Variants in MACROD2 observed in about 807,000 individuals in gnomAD.
MACROD2 encodes mono-ADP ribosylhydrolase 2.
In MACROD2, 36 loss-of-function variants were observed where a neutral mutation model predicts 70.4. That is an observed-to-expected ratio of 0.51 (90% CI 0.39 to 0.68). The LOEUF (loss-of-function observed/expected upper bound fraction) is 0.68, where lower values mean the gene tolerates loss of function less well. Ranked by LOEUF, MACROD2 falls within the 30% of genes least tolerant of loss-of-function variation. MACROD2 has a pLI of 0.00. For missense variants in MACROD2, 496 were observed against 538.4 expected (o/e 0.92, Z 0.78); for synonymous variants, 172 against 178.8 (o/e 0.96, Z 0.30).
intron 6 of MACROD2, among the ~76,000 whole-genome samples, chr20:15,376,278 T>C (rs1014340641): frequency 1.3e-5 from 2 of 152,140 alleles, no homozygotes; most frequent in African/African-American, 2.4e-5. Context: ...CCTAGAAAAG[T>C]ATATAAATAT....
intron 8 of MACROD2, among the ~76,000 whole-genome samples, chr20:15,515,275 A>G (rs1025232205): frequency 6.6e-6 from 1 of 152,248 alleles, no homozygotes; most frequent in Non-Finnish European, 1.5e-5. Flanking sequence ...CCATTAGTTC[A>G]TTAGTCAAAC....
At chr20:14,958,961 CCCA>C (rs1306259003) in intron 5 of MACROD2, among the ~76,000 whole-genome samples, 2 of 152,212 alleles carry the variant, frequency 1.3e-5, no homozygotes, top group East Asian at 3.9e-4. Flanking sequence ...CATTTCAAGC[CCCA>C]CCAAACTGAG....
At chr20:15,561,292 A>G (rs1360532538) in intron 8 of MACROD2, among the ~76,000 whole-genome samples, 1 of 152,244 alleles carries the variant, frequency 6.6e-6, no homozygotes, top group Admixed American at 6.5e-5. Flanking sequence ...TTCCAGCAGC[A>G]TATGCAAAGT....
intron 5 of MACROD2, among the ~76,000 whole-genome samples, chr20:14,882,257 A>G (rs1321078455): frequency 6.6e-6 from 1 of 152,194 alleles, no homozygotes; most frequent in Non-Finnish European, 1.5e-5. Flanking sequence ...AAAGACATGA[A>G]TGAATGATGC....
intron 12 of MACROD2, among the ~76,000 whole-genome samples, chr20:15,942,126 T>A (rs1328492620): frequency 6.6e-6 from 1 of 152,182 alleles, no homozygotes; most frequent in Non-Finnish European, 1.5e-5. Context: ...CTAGACATAT[T>A]TTCCACTGGG....
At chr20:14,334,806 T>TA (rs780655683) in intron 3 of MACROD2, among the ~76,000 whole-genome samples, 1 of 147,692 alleles carries the variant, frequency 6.8e-6, no homozygotes, top group African/African-American at 2.5e-5. Context: ...TTTTTTTTTT[T>TA]AAATAAATGG....
chr20:14,522,228 C>G (rs2085176757), intron 4 of MACROD2, among the ~76,000 whole-genome samples: 1 of 152,184 alleles, frequency 6.6e-6, no homozygotes, highest in South Asian at 2.1e-4. Context: ...GATGGCCATA[C>G]ATAACACAGA....
chr20:14,604,718 G>A (rs1013560287), intron 4 of MACROD2, among the ~76,000 whole-genome samples: 1 of 152,170 alleles, frequency 6.6e-6, no homozygotes, highest in Non-Finnish European at 1.5e-5. Context: ...GTCTCCCAAA[G>A]TTTAAATTTT....
intron 3 of MACROD2, among the ~76,000 whole-genome samples, chr20:14,137,436 T>C (rs2054813756): frequency 6.6e-6 from 1 of 152,186 alleles, no homozygotes. Context: ...TCCTTTTGTT[T>C]CAGCTTGAAG....
chr20:15,931,747 C>T (rs893779873), intron 10 of MACROD2, among the ~76,000 whole-genome samples: 22 of 151,952 alleles, frequency 1.4e-4, no homozygotes, highest in Non-Finnish European at 2.2e-4. Flanking sequence ...CTGCATTCTT[C>T]GCCAACCTCA....
chr20:15,516,041 G>A (rs570570991), intron 8 of MACROD2, among the ~76,000 whole-genome samples: 7 of 152,284 alleles, frequency 4.6e-5, no homozygotes, highest in Admixed American at 2.0e-4. Context: ...GGCTTACCCC[G>A]TTTGCCTGCT....
At chr20:14,335,252 G>T (rs1419158276) in intron 3 of MACROD2, among the ~76,000 whole-genome samples, 1 of 152,152 alleles carries the variant, frequency 6.6e-6, no homozygotes, top group African/African-American at 2.4e-5. Context: ...TTAGGGTCTT[G>T]TGTCCCTAGG....
intron 5 of MACROD2, among the ~76,000 whole-genome samples, chr20:14,690,005 A>G (rs1392697163): frequency 1.4e-5 from 2 of 144,206 alleles, no homozygotes; most frequent in Non-Finnish European, 3.1e-5. Flanking sequence ...GTTTTTAAAA[A>G]ACATATTTTA....
intron 8 of MACROD2, among the ~76,000 whole-genome samples, chr20:15,612,340 C>T (rs775625433): frequency 6.6e-6 from 1 of 152,114 alleles, no homozygotes; most frequent in Non-Finnish European, 1.5e-5. Flanking sequence ...TCTATTGCGT[C>T]GACTCTTCTG....
intron 5 of MACROD2, among the ~76,000 whole-genome samples, chr20:15,053,238 A>G (rs1437744629): frequency 6.6e-6 from 1 of 152,212 alleles, no homozygotes; most frequent in Non-Finnish European, 1.5e-5. Flanking sequence ...GCTATACCAA[A>G]TGACAGATTT....
chr20:15,753,766 T>G (rs1314514712), intron 8 of MACROD2, among the ~76,000 whole-genome samples: 1 of 152,240 alleles, frequency 6.6e-6, no homozygotes, highest in African/African-American at 2.4e-5. Context: ...CTCTGCAGCC[T>G]CACCAGCATC....
intron 3 of MACROD2, among the ~76,000 whole-genome samples, chr20:14,296,019 C>T (rs975983659): frequency 3.3e-5 from 5 of 151,812 alleles, no homozygotes; most frequent in African/African-American, 1.2e-4. Flanking sequence ...GTGATTCAAT[C>T]TGTTGGAATC....
intron 3 of MACROD2, among the ~76,000 whole-genome samples, chr20:14,352,580 C>T (rs1370718492): frequency 6.6e-6 from 1 of 152,174 alleles, no homozygotes; most frequent in East Asian, 1.9e-4. Context: ...GATATATGCA[C>T]CCTTCTAACC....
intron 8 of MACROD2, among the ~76,000 whole-genome samples, chr20:15,662,087 A>G (rs1245665659): frequency 6.6e-6 from 1 of 152,156 alleles, no homozygotes; most frequent in South Asian, 2.1e-4. Flanking sequence ...CCTGAAACCA[A>G]TAGACTAATC....
Sources: allele counts gnomAD v4.1 joint callset (sites outside exome capture counted in the v4.1 genomes callset), GRCh38; gene constraint gnomAD v4.1.1; transcripts MANE v1.5; gene names NCBI Gene and HGNC (gene_info 2026-07-23, HGNC 2026-07-21).